RALGPS1: variants seen among roughly 807,000 people sequenced by gnomAD.
The protein encoded by RALGPS1 is Ral GEF with PH domain and SH3 binding motif 1, also known as ras-specific guanine nucleotide-releasing factor RalGPS1.
RALGPS1 carries 19 observed loss-of-function variants against 78.8 expected under a neutral mutation model. The ratio of observed to expected loss-of-function variants is 0.24; its 90% CI spans 0.17 to 0.35. The LOEUF (loss-of-function observed/expected upper bound fraction) is 0.35. Ranked by LOEUF, RALGPS1 falls within the 10% of genes least tolerant of loss-of-function variation. The pLI is 1.00. For missense variants in RALGPS1, 454 were observed against 688.3 expected (o/e 0.66, Z 3.81); for synonymous variants, 228 against 256.3 (o/e 0.89, Z 1.06).
chr9:127,151,276 T>G (rs990070976), intron 8 of RALGPS1, among the ~76,000 whole-genome samples: 1 of 150,438 alleles, frequency 6.6e-6, no homozygotes, highest in East Asian at 1.9e-4. Context: ...TAGATTTATA[T>G]GGAAAAAAAA....
chr9:127,096,290 C>A (rs2053126914), intron 8 of RALGPS1, among the ~76,000 whole-genome samples: 2 of 152,254 alleles, frequency 1.3e-5, no homozygotes, highest in South Asian at 4.1e-4. Context: ...TCCCCAACAG[C>A]TGGAGCAGAG....
intron 4 of RALGPS1, among the ~76,000 whole-genome samples, chr9:127,022,269 A>G (rs183383431): frequency 7.7e-4 from 117 of 152,116 alleles, no homozygotes; most frequent in African/African-American, 2.7e-3. Flanking sequence ...CTTTCTCCAC[A>G]CACACAGCCC....
intron 1 of RALGPS1, among the ~76,000 whole-genome samples, chr9:126,921,099 C>T (rs1437260112): frequency 6.6e-6 from 1 of 152,218 alleles, no homozygotes; most frequent in Non-Finnish European, 1.5e-5. Context: ...AGAGTGCTCA[C>T]TATTGTAATT....
At chr9:127,084,837 A>T (rs1275419836) in intron 8 of RALGPS1, among the ~76,000 whole-genome samples, 1 of 152,242 alleles carries the variant, frequency 6.6e-6, no homozygotes, top group Non-Finnish European at 1.5e-5. Flanking sequence ...CTCAGATAAA[A>T]GTGAGGCAGA....
At chr9:127,114,198 T>G (rs1207172663) in intron 8 of RALGPS1, among the ~76,000 whole-genome samples, 1 of 152,238 alleles carries the variant, frequency 6.6e-6, no homozygotes, top group African/African-American at 2.4e-5. Context: ...GGGACACAAC[T>G]CACATTCATA....
chr9:127,166,047 G>GA, intron 8 of RALGPS1, 22 bp from the exon 9 acceptor site: 1 of 1,593,662 alleles, frequency 6.3e-7, no homozygotes, highest in Non-Finnish European at 8.5e-7. Flanking sequence ...CTTCCATCAT[G>GA]AAATATCTTC....
intron 8 of RALGPS1, among the ~76,000 whole-genome samples, chr9:127,129,375 G>A (rs563887773): frequency 5.9e-5 from 9 of 152,188 alleles, no homozygotes; most frequent in African/African-American, 2.2e-4. Flanking sequence ...CTGGAACATT[G>A]TCTGTGCCAG....
chr9:127,090,192 G>A (rs573518447), intron 8 of RALGPS1, among the ~76,000 whole-genome samples: 2 of 152,308 alleles, frequency 1.3e-5, no homozygotes, highest in Admixed American at 6.5e-5. Flanking sequence ...CTTTGCCAGC[G>A]GAGGTCCCAC....
intron 8 of RALGPS1, among the ~76,000 whole-genome samples, chr9:127,084,580 T>C (rs547376002): frequency 6.2e-4 from 94 of 152,318 alleles, no homozygotes; most frequent in African/African-American, 2.2e-3. Context: ...TGCTGTCCCA[T>C]GCCAGGCTGT....
chr9:127,051,915 C>T (rs1351887818), intron 6 of RALGPS1, among the ~76,000 whole-genome samples: 1 of 152,140 alleles, frequency 6.6e-6, no homozygotes, highest in African/African-American at 2.4e-5. Context: ...GAGGAAGGGG[C>T]AACTGAGCTT....
chr9:127,178,342 C>T, intron 11 of RALGPS1: 1 of 592,872 alleles, frequency 1.7e-6, no homozygotes, highest in South Asian at 2.9e-5. Context: ...AAAAATGCAG[C>T]TGAATTGTGT....
At chr9:127,113,913 T>C (rs1383332057) in intron 8 of RALGPS1, among the ~76,000 whole-genome samples, 1 of 152,230 alleles carries the variant, frequency 6.6e-6, no homozygotes, top group East Asian at 1.9e-4. Flanking sequence ...AAGGGGCCAC[T>C]TTGTGGGAAG....
intron 1 of RALGPS1, among the ~76,000 whole-genome samples, chr9:126,949,305 T>C (rs1457826128): frequency 6.6e-6 from 1 of 152,234 alleles, no homozygotes; most frequent in East Asian, 1.9e-4. Context: ...CAGCATGATT[T>C]ATAGTCCTTT....
At chr9:127,116,474 A>C (rs1240663095) in intron 8 of RALGPS1, among the ~76,000 whole-genome samples, 2 of 152,234 alleles carry the variant, frequency 1.3e-5, no homozygotes, top group Non-Finnish European at 2.9e-5. Context: ...GCCTTGGCCA[A>C]CAGAGCAGAG....
rs1436925763 is a variant in RALGPS1, at chr9:127,085,732, GA to G, written c.610+16377del. Among the ~76,000 whole-genome samples, 3 of 152,150 alleles carry G rather than the reference GA, an allele frequency of 2.0e-5. No homozygotes were observed. In the East Asian group the frequency reaches 5.8e-4, roughly 29 times the overall value. On this transcript the variant is annotated intron_variant, in intron 8 of 18. Transcript: ENST00000259351. The stretch of plus-strand genomic sequence containing the variant: ...TGCAGTGTCCAGCAATGGCTTTCCA[GA>G]GCTCTCTGTTTGGGGTTTTGGAGCC...
chr9:127,017,511 T>C (rs1285445034), intron 4 of RALGPS1, among the ~76,000 whole-genome samples: 1 of 152,094 alleles, frequency 6.6e-6, no homozygotes, highest in Non-Finnish European at 1.5e-5. Context: ...TGGACATTAC[T>C]GTAATACACA....
chr9:127,050,979 G>C lies in RALGPS1; in HGVS notation c.390+847G>C, dbSNP rs1257163264. The stretch of plus-strand genomic sequence containing the variant: ...GATTATTATTCCATTTGCAGAGGAA[G>C]GAGAACTTAGAGAGGTGAAGTGTCC... On this transcript the variant is annotated intron_variant, in intron 6 of 18. Coordinates refer to ENST00000259351, the MANE Select transcript of RALGPS1 (RefSeq NM_014636.3). 2.6e-5 allele frequency among the ~76,000 whole-genome samples: 4 copies of C among 152,214 alleles called. No homozygotes were observed. In the South Asian group the frequency reaches 6.2e-4, roughly 24 times the overall value.
intron 8 of RALGPS1, chr9:127,089,168 C>G (rs2052144171): frequency 6.2e-7 from 1 of 1,611,842 alleles, no homozygotes; most frequent in African/African-American, 1.3e-5. Context: ...GAGAGGGTGT[C>G]TGGGAGGAGG....
At chr9:127,039,244 A>C (rs1427011105) in intron 5 of RALGPS1, among the ~76,000 whole-genome samples, 1 of 152,188 alleles carries the variant, frequency 6.6e-6, no homozygotes, top group Non-Finnish European at 1.5e-5. Context: ...AGAGAGAGCA[A>C]CCTGGGAGCA....
Sources: gnomAD v4.1 joint callset for allele counts (sites outside exome capture counted in the v4.1 genomes callset) on GRCh38, gnomAD v4.1.1 for gene constraint, MANE v1.5 for transcripts, NCBI Gene and HGNC (gene_info 2026-07-23, HGNC 2026-07-21) for gene names.